Variants in TMEM232 observed in about 807,000 individuals in gnomAD.
The protein encoded by TMEM232 is transmembrane protein 232.
TMEM232 carries 80 observed loss-of-function variants against 78.8 expected under a neutral mutation model. That is an observed-to-expected ratio of 1.01 (90% confidence interval 0.85 to 1.22). The LOEUF is 1.22. Ranked by LOEUF, TMEM232 falls within the 50% of genes most tolerant of loss-of-function variation. The probability of loss-of-function intolerance (pLI) is 0.00; values close to 1 mark genes in which losing one functional copy is unlikely to be tolerated. For synonymous variants in TMEM232, 297 were observed against 254.3 expected (o/e 1.17, Z -1.60); for missense variants, 881 against 742.2 (o/e 1.19, Z -2.17).
At chr5:110,460,952 G>GT (rs1331213556) in intron 12 of TMEM232, among the ~76,000 whole-genome samples, 1 of 151,946 alleles carries the variant, frequency 6.6e-6, no homozygotes, top group Non-Finnish European at 1.5e-5. Flanking sequence ...CAACTGACCA[G>GT]TTTTTCCCCC....
chr5:110,591,150 A>G (rs573264299), intron 10 of TMEM232, among the ~76,000 whole-genome samples: 1 of 152,300 alleles, frequency 6.6e-6, no homozygotes, highest in East Asian at 1.9e-4. Context: ...CTTTATGTAA[A>G]AATGGTCCAT....
chr5:110,651,863 G>C (rs1234666833), intron 2 of TMEM232, among the ~76,000 whole-genome samples: 1 of 152,016 alleles, frequency 6.6e-6, no homozygotes, highest in Non-Finnish European at 1.5e-5. Flanking sequence ...TACCTCTAAA[G>C]CCTATAAAAA....
In TMEM232 at chr5:110,528,572, T is replaced by C. The variant is rs772851026; in HGVS notation, c.1703+16A>G. 40 of 1,513,972 alleles carry C rather than the reference T, an allele frequency of 2.6e-5. No individual in the cohort carries two copies. The highest frequency in any genetic ancestry group is 4.3e-5 in the Admixed American group (2 of 46,936). 93.8% of individuals were successfully genotyped at this position (1,513,972 alleles called of 1,614,324 possible). A position where few individuals can be genotyped will look rare whatever the true frequency, so the allele number is the denominator to read the frequency against. ...TAATGTATTAGAACAATAAAACCGA[T>C]AGTACTTCTCTTTACCTTACAGTGA... is the stretch of plus-strand genomic sequence containing the variant. On this transcript the variant is annotated intron_variant, in intron 12 of 13. Transcript: ENST00000455884.
chr5:110,428,425 G>C (rs1314635990), intron 12 of TMEM232, among the ~76,000 whole-genome samples: 2 of 151,538 alleles, frequency 1.3e-5, no homozygotes, highest in African/African-American at 4.8e-5. Context: ...TTATAACACA[G>C]GAATTTCTTT....
At chr5:110,498,577 T>C (rs1765874951) in intron 12 of TMEM232, among the ~76,000 whole-genome samples, 1 of 152,010 alleles carries the variant, frequency 6.6e-6, no homozygotes, top group South Asian at 2.1e-4. Flanking sequence ...TAGGCAGAAA[T>C]TGAAGGGGAT....
At chr5:110,450,164 G>A (rs1760110023) in intron 12 of TMEM232, among the ~76,000 whole-genome samples, 3 of 152,196 alleles carry the variant, frequency 2.0e-5, no homozygotes, top group South Asian at 4.1e-4. Context: ...AGTTTCCTGA[G>A]GCCTCACAGC....
intron 12 of TMEM232, among the ~76,000 whole-genome samples, chr5:110,467,915 T>TGA (rs1762256197): frequency 6.6e-6 from 1 of 152,126 alleles, no homozygotes; most frequent in African/African-American, 2.4e-5. Flanking sequence ...TTCTATACTC[T>TGA]TTGGCTTTGG....
intron 1 of TMEM232, among the ~76,000 whole-genome samples, chr5:110,722,950 G>C (rs1580796929): frequency 6.6e-6 from 1 of 152,152 alleles, no homozygotes; most frequent in Admixed American, 6.6e-5. Context: ...TTTCATGAGA[G>C]AGACTGGTCT....
intron 1 of TMEM232, among the ~76,000 whole-genome samples, chr5:110,674,367 C>A (rs1456113463): frequency 6.6e-6 from 1 of 152,078 alleles, no homozygotes; most frequent in Non-Finnish European, 1.5e-5. Flanking sequence ...GTTTAATTTG[C>A]ATGAATGTGA....
chr5:110,498,102 G>A lies in TMEM232; in HGVS notation c.1703+30486C>T, dbSNP rs918456387. On this transcript the variant is annotated intron_variant, in intron 12 of 13. Coordinates refer to ENST00000455884, the MANE Select transcript of TMEM232 (RefSeq NM_001039763.4). ...AGTTAAAGACTCTTCAAATAAGCAT[G>A]GGAAATCATGTAATGTATATGTAAA... Among the ~76,000 whole-genome samples, 7 of 152,026 alleles carry A rather than the reference G, an allele frequency of 4.6e-5. No homozygotes were observed. The East Asian group carries it at 1.2e-3, about 25-fold the overall frequency.
intron 12 of TMEM232, among the ~76,000 whole-genome samples, chr5:110,505,220 A>G (rs1217163868): frequency 6.6e-6 from 1 of 152,114 alleles, no homozygotes; most frequent in African/African-American, 2.4e-5. Flanking sequence ...CAAATACAAG[A>G]AGGACACTGG....
intron 11 of TMEM232, among the ~76,000 whole-genome samples, chr5:110,551,028 G>T (rs550856176): frequency 1.3e-5 from 2 of 151,650 alleles, no homozygotes; most frequent in African/African-American, 4.8e-5. Context: ...GGTTTTAAAA[G>T]TACCAACATA....
At chr5:110,447,886 G>C (rs1016908637) in intron 12 of TMEM232, among the ~76,000 whole-genome samples, 3 of 152,028 alleles carry the variant, frequency 2.0e-5, no homozygotes, top group African/African-American at 7.2e-5. Context: ...AAAACGAAGA[G>C]AGGGGAGATT....
intron 12 of TMEM232, among the ~76,000 whole-genome samples, chr5:110,486,458 G>A (rs926959330): frequency 6.6e-6 from 1 of 151,838 alleles, no homozygotes; most frequent in African/African-American, 2.4e-5. Context: ...AAGTTTTAGG[G>A]TTAAGTCCTC....
At chr5:110,700,295 G>C (rs1244911887) in intron 1 of TMEM232, among the ~76,000 whole-genome samples, 1 of 152,092 alleles carries the variant, frequency 6.6e-6, no homozygotes, top group African/African-American at 2.4e-5. Context: ...CTAAGGAATT[G>C]TCAAAATGAT....
At chr5:110,548,249 C>T (rs1340154741) in intron 11 of TMEM232, among the ~76,000 whole-genome samples, 2 of 150,820 alleles carry the variant, frequency 1.3e-5, no homozygotes, top group Non-Finnish European at 3.0e-5. Flanking sequence ...TAAACACACA[C>T]ACACATACAC....
intron 6 of TMEM232, among the ~76,000 whole-genome samples, chr5:110,626,380 C>T (rs1784426328): frequency 6.6e-6 from 1 of 151,932 alleles, no homozygotes; most frequent in African/African-American, 2.4e-5. Flanking sequence ...AAATGTTAGA[C>T]AAGAATTCCT....
chr5:110,460,446 T>G (rs1039862454), intron 12 of TMEM232, among the ~76,000 whole-genome samples: 3 of 152,126 alleles, frequency 2.0e-5, no homozygotes, highest in South Asian at 2.1e-4. Flanking sequence ...TGAAATTGTA[T>G]TAAAGCAATA....
chr5:110,574,604 T>C (rs1170899750), intron 10 of TMEM232, among the ~76,000 whole-genome samples: 1 of 152,126 alleles, frequency 6.6e-6, no homozygotes, highest in Admixed American at 6.6e-5. Context: ...ACAGCCATGC[T>C]GCAGGCAGTT....
Sources: gnomAD v4.1 joint callset for allele counts (sites outside exome capture counted in the v4.1 genomes callset) on GRCh38, gnomAD v4.1.1 for gene constraint, MANE v1.5 for transcripts, NCBI Gene and HGNC (gene_info 2026-07-23, HGNC 2026-07-21) for gene names.